ZNF445: variants seen among roughly 807,000 people sequenced by gnomAD.
ZNF445 encodes the protein zinc finger protein 445, also known as zinc finger protein 168.
A neutral mutation model predicts 93.9 loss-of-function variants in ZNF445; 19 were observed. The ratio of observed to expected loss-of-function variants is 0.20; its 90% confidence interval spans 0.14 to 0.30. The LOEUF (loss-of-function observed/expected upper bound fraction) is 0.30. ZNF445 is among the 10% of genes least tolerant of loss of function. ZNF445 has a pLI of 1.00. For missense variants in ZNF445, 1,058 were observed against 1,259.4 expected, an observed-to-expected ratio of 0.84 and a Z score of 2.42; for synonymous variants, 449 against 446.3, an observed-to-expected ratio of 1.01 and a Z score of -0.08.
Position 44,446,895 on chromosome 3 carries a change from G to A in ZNF445, c.2776C>T (p.Arg926Cys), listed in dbSNP as rs201728949. 273 of 1,614,028 alleles carry A rather than the reference G, an allele frequency of 1.7e-4. No individual in the cohort carries two copies. Among genetic ancestry groups the A allele is most frequent in the Non-Finnish European group, 2.2e-4 (262 of 1,180,028 alleles). ...GAGGAAGACCGTGCAGGCGGGCTAC[G>A]TTCAGCCTGTGCTGCTCTGGTGTGT... ...RKHTRAAQAE[R>C]SPPARSSSQD... is the part of the protein sequence containing the mutation. The change falls in exon 8 of 8, where the codon CGT (arginine) becomes TGT (cysteine). Residue 926 changes from arginine (R) to cysteine (C), a missense_variant. Transcript: ENST00000396077. The surrounding 1 kb of genome is among the most constrained non-coding windows in gnomAD (Gnocchi z 4.2).
At chr3:44,455,776 A>G in intron 2 of ZNF445, 80 bp from the exon 3 acceptor site, 1 of 503,080 alleles carries the variant, frequency 2.0e-6, no homozygotes, top group Non-Finnish European at 3.5e-6. Context: ...ATCTTTGTAT[A>G]TATAAGAAGA....
chr3:44,457,580 A>G (rs142002327), intron 2 of ZNF445, among the ~76,000 whole-genome samples: 1 of 152,334 alleles, frequency 6.6e-6, no homozygotes, highest in African/African-American at 2.4e-5. Context: ...ATTTTTGATA[A>G]AGATGCAAAA....
In ZNF445 at chr3:44,450,886, G is replaced by A; in HGVS notation, c.675C>T (p.Ser225=). 6.3e-7 allele frequency: 1 copy of A among 1,588,992 alleles called. No individual in the cohort carries two copies. Among genetic ancestry groups the A allele is most frequent in the South Asian group, 1.1e-5 (1 of 86,966 alleles). The change falls in exon 5 of 8, where the codon TCC becomes TCT. Residue 225 remains serine (S), a synonymous_variant. Coordinates refer to ENST00000396077, the MANE Select transcript of ZNF445 (RefSeq NM_181489.6). The part of the protein sequence containing the change: ...CPGDQVTPTR[S]LTAQLQETMT... Reference sequence around the variant, plus strand: ...GGCTCACCTGGAGCTGGGCTGTCAGGGACCTGGTTGGTGTTACCTGGTCTC... The same window carrying A: ...GGCTCACCTGGAGCTGGGCTGTCAGAGACCTGGTTGGTGTTACCTGGTCTC...
intron 1 of ZNF445, among the ~76,000 whole-genome samples, chr3:44,463,054 T>C (rs1698141593): frequency 7.1e-6 from 1 of 140,028 alleles, no homozygotes; most frequent in South Asian, 2.2e-4. Flanking sequence ...TGTGTGTGTA[T>C]GAGACAGAGT....
At chr3:44,467,637 C>T (rs562062199) in intron 1 of ZNF445, among the ~76,000 whole-genome samples, 1 of 152,138 alleles carries the variant, frequency 6.6e-6, no homozygotes, top group African/African-American at 2.4e-5. Flanking sequence ...ATCTGAGATT[C>T]TTCATGGAAC....
Position 44,448,519 on chromosome 3 carries a change from T to C in ZNF445, c.1152A>G (p.Thr384=), listed in dbSNP as rs201134509. Residue 384 remains threonine (T), a synonymous_variant, in exon 8 of 8, where the codon ACA becomes ACG. Transcript: ENST00000396077. ...TTCCTGATACTTCAGAGTCTTTTCCTGTCCTGTGACTGAAATTGGTCTCTT... is the reference window on the plus strand; with the variant it reads ...TTCCTGATACTTCAGAGTCTTTTCCCGTCCTGTGACTGAAATTGGTCTCTT... ...KKEETNFSHR[T]GKDSEVSGSN... The C allele has an allele frequency of 4.8e-5, 77 of 1,614,056 alleles. No homozygotes were observed. The East Asian group carries it at 1.6e-3, about 34-fold the overall frequency.
Position 44,434,536 on chromosome 3 carries a change from T to C in ZNF445, c.*12039A>G, listed in dbSNP as rs1036346876. 3.3e-5 allele frequency: 5 copies of C among 152,218 alleles called. No individual in the cohort carries two copies. The highest frequency in any genetic ancestry group is 1.2e-4 in the African/African-American group (5 of 41,462). The allele number at this position is 152,218 out of a possible 1,614,324, so 9.4% of individuals were successfully genotyped here. ...CATGTCTGGAGCAGTTGCTACTCCC[T>C]GTACACCAGGTCCAGTGACTATAAT... On this transcript the variant is annotated 3_prime_UTR_variant, in exon 8 of 8. Coordinates refer to ENST00000396077, the MANE Select transcript of ZNF445 (RefSeq NM_181489.6).
chr3:44,448,830 G>A, intron 7 of ZNF445, 91 bp from the exon 8 acceptor site: 1 of 1,455,032 alleles, frequency 6.9e-7, no homozygotes, highest in Non-Finnish European at 9.2e-7. Context: ...TCTGGGTGGT[G>A]AGGCTTTTGC....
chr3:44,458,554 T>C (rs1698063791), intron 1 of ZNF445, among the ~76,000 whole-genome samples, 190 bp from the exon 2 acceptor site: 1 of 152,122 alleles, frequency 6.6e-6, no homozygotes, highest in East Asian at 1.9e-4. Context: ...GTTAAATTAT[T>C]TGGGCTTTGT....
In ZNF445 at chr3:44,434,778, C is replaced by G. The variant is rs191354506; in HGVS notation, c.*11797G>C. 20 of 152,264 alleles carry G rather than the reference C, an allele frequency of 1.3e-4. No homozygotes were observed. Among genetic ancestry groups the G allele is most frequent in the Admixed American group, 1.2e-3 (19 of 15,294 alleles). 9.4% of individuals were successfully genotyped at this position (152,264 alleles called of 1,614,324 possible). On this transcript the variant is annotated 3_prime_UTR_variant, in exon 8 of 8. Coordinates refer to ENST00000396077, the MANE Select transcript of ZNF445 (RefSeq NM_181489.6). ...GTAACTGGGCAGCCAAGGGGATAAT[C>G]GGATCGGGTGTGCCACACTTCGCCT...
intron 2 of ZNF445, among the ~76,000 whole-genome samples, chr3:44,456,920 G>A (rs1698034923): frequency 6.6e-6 from 1 of 152,186 alleles, no homozygotes; most frequent in South Asian, 2.1e-4. Context: ...TTGAGGTCAG[G>A]AGTTTGAGAA....
chr3:44,453,515 G>A (rs1186684974), intron 3 of ZNF445, among the ~76,000 whole-genome samples: 2 of 150,718 alleles, frequency 1.3e-5, no homozygotes, highest in East Asian at 2.0e-4. Context: ...GGCTAGTCTC[G>A]AACTCCTGAC....
chr3:44,464,849 G>A (rs980721831), intron 1 of ZNF445, among the ~76,000 whole-genome samples: 2 of 152,120 alleles, frequency 1.3e-5, no homozygotes, highest in African/African-American at 4.8e-5. Context: ...GCCGAGGTGG[G>A]CAGATCACGA....
chr3:44,468,183 C>T (rs1029109392), intron 1 of ZNF445, among the ~76,000 whole-genome samples: 2 of 152,152 alleles, frequency 1.3e-5, no homozygotes, highest in African/African-American at 2.4e-5. Flanking sequence ...AGGAAGAAGC[C>T]AGAGCAATCA....
rs1201536413 is a variant in ZNF445 at position 44,447,982 on chromosome 3, A to G, written c.1689T>C (p.His563=). ...LSAYRLHRET[H]AKKKFLELNQ... is the part of the protein sequence containing the mutation. The stretch of plus-strand genomic sequence containing the variant: ...TCAATTCAAGAAATTTCTTCTTAGC[A>G]TGGGTTTCTCGGTGCAGACGGTAGG... Residue 563 remains histidine, a synonymous_variant, in exon 8 of 8, where the codon CAT becomes CAC. Transcript: ENST00000396077. The surrounding 1 kb of genome is among the most constrained non-coding windows in gnomAD (Gnocchi z 4.7). The G allele has an allele frequency of 6.2e-7, 1 of 1,612,106 alleles. No individual in the cohort carries two copies. The highest frequency in any genetic ancestry group is 8.5e-7 in the Non-Finnish European group (1 of 1,179,910).
In ZNF445 at chr3:44,435,928, A is replaced by G. The variant is rs1697671141; in HGVS notation, c.*10647T>C. On this transcript the variant is annotated 3_prime_UTR_variant, in exon 8 of 8. Transcript: ENST00000396077. Reference sequence around the variant, plus strand: ...AGAACTAGAGGCTGGTTATCCCAGAAAAGTCTAATTATTTGCCCTTCCCAA... The same window carrying G: ...AGAACTAGAGGCTGGTTATCCCAGAGAAGTCTAATTATTTGCCCTTCCCAA... 6.6e-6 allele frequency: 1 copy of G among 152,204 alleles called. No individual in the cohort carries two copies. The allele number at this position is 152,204 out of a possible 1,614,324, so 9.4% of individuals were successfully genotyped here.
intron 5 of ZNF445, 130 bp from the exon 6 acceptor site, chr3:44,450,703 A>G: frequency 1.5e-6 from 2 of 1,366,890 alleles, no homozygotes; most frequent in South Asian, 2.9e-5. Flanking sequence ...GAAGACCATC[A>G]CCCAGCAGAA....
At position 44,434,465 on chromosome 3, in the gene ZNF445, G is replaced by A. The variant is rs1697635413; in HGVS notation, c.*12110C>T. 1 of 152,036 alleles carries A rather than the reference G, an allele frequency of 6.6e-6. No individual in the cohort carries two copies. The highest frequency in any genetic ancestry group is 2.1e-4 in the South Asian group (1 of 4,832). 9.4% of individuals were successfully genotyped at this position (152,036 alleles called of 1,614,324 possible). ...GGAAACATTATTTGCCCTTAGCCAT[G>A]TTGTGGGTTTATTTCCTACACTGAG... is the stretch of plus-strand genomic sequence containing the variant. On this transcript the variant is annotated 3_prime_UTR_variant, in exon 8 of 8. Coordinates refer to ENST00000396077, the MANE Select transcript of ZNF445 (RefSeq NM_181489.6).
chr3:44,471,005 A>T (rs1354943177), intron 1 of ZNF445, among the ~76,000 whole-genome samples: 3 of 152,202 alleles, frequency 2.0e-5, no homozygotes, highest in African/African-American at 7.2e-5. Flanking sequence ...AAACAAAAAT[A>T]AAAAACCTAT....
Sources: gnomAD v4.1 joint callset for allele counts (sites outside exome capture counted in the v4.1 genomes callset) on GRCh38, gnomAD v4.1.1 for gene constraint, Gnocchi (gnomAD v3.1) non-coding constraint, MANE v1.5 for transcripts, NCBI Gene and HGNC (gene_info 2026-07-23, HGNC 2026-07-21) for gene names.